The following AGTPBP1 variants were observed in gnomAD, a reference collection of about 807,000 sequenced individuals.
AGTPBP1 encodes the protein ATP/GTP binding carboxypeptidase 1.
AGTPBP1 carries 70 observed loss-of-function variants against 143.9 expected under a neutral mutation model. The observed-to-expected ratio is 0.49, with a 90% CI of 0.40 to 0.59. The LOEUF (loss-of-function observed/expected upper bound fraction) is 0.59. Among genes scored for constraint, AGTPBP1 ranks in the 20% least tolerant of loss-of-function variants. AGTPBP1 has a pLI of 0.00. For missense variants in AGTPBP1, 1,229 were observed against 1,464.5 expected, an observed-to-expected ratio of 0.84 and a Z score of 2.62; for synonymous variants, 463 against 500.2, an observed-to-expected ratio of 0.93 and a Z score of 0.99.
At chr9:85,772,726 C>A in the AGTPBP1 span, among the ~76,000 whole-genome samples, 13 of 151,870 alleles carry the variant, frequency 8.6e-5, no homozygotes, top group Non-Finnish European at 1.9e-4. Flanking sequence ...GCACTCCAAC[C>A]TGAGGTGACA....
At chr9:85,699,129 T>C (rs1468953277) in intron 2 of AGTPBP1, among the ~76,000 whole-genome samples, 1 of 151,908 alleles carries the variant, frequency 6.6e-6, no homozygotes, top group Non-Finnish European at 1.5e-5. Context: ...TTCAAATGCA[T>C]ATTTTTTTAA....
chr9:85,681,142 C>T lies in AGTPBP1; in HGVS notation c.225+126G>A, dbSNP rs1456867450. On this transcript the variant is annotated intron_variant, in intron 4 of 25. Transcript: ENST00000357081. ...TCTAAAACAAAAATTATTACATATACGTGTGTGTGTATATATGTACGTGTG... is the reference window on the plus strand; with the variant it reads ...TCTAAAACAAAAATTATTACATATATGTGTGTGTGTATATATGTACGTGTG... 11 of 804,908 alleles carry T rather than the reference C, an allele frequency of 1.4e-5. No individual in the cohort carries two copies. In the East Asian group the frequency reaches 1.4e-4, roughly 10 times the overall value. 49.9% of individuals were successfully genotyped at this position (804,908 alleles called of 1,614,324 possible).
chr9:85,666,063 C>T (rs2134018398), intron 8 of AGTPBP1, among the ~76,000 whole-genome samples: 1 of 152,116 alleles, frequency 6.6e-6, no homozygotes, highest in East Asian at 1.9e-4. Context: ...TTCCAGTCTT[C>T]ATATTTCCAC....
At chr9:85,798,052 C>T in the AGTPBP1 span, among the ~76,000 whole-genome samples, 7 of 149,256 alleles carry the variant, frequency 4.7e-5, no homozygotes, top group African/African-American at 7.6e-5. Context: ...GCCACCACAT[C>T]GGCTATTTTT....
rs542482211 is a variant in AGTPBP1, at chr9:85,571,312, T to G, written c.3503+4003A>C. ...CCCTGAGATAAAGAACATGCAGTGA[T>G]AGCCTGGGAAATCCTGTTCTGCCAA... On this transcript the variant is annotated intron_variant, in intron 25 of 25. Coordinates refer to ENST00000357081, the MANE Select transcript of AGTPBP1 (RefSeq NM_001330701.2). Among the ~76,000 whole-genome samples, 14 of 152,240 alleles carry G rather than the reference T, an allele frequency of 9.2e-5. No individual in the cohort carries two copies. In the East Asian group the frequency reaches 1.2e-3, roughly 13 times the overall value.
rs139492494 is a variant in AGTPBP1 at position 85,611,982 on chromosome 9, A to G, written c.2335+7001T>C. ...GGCATAAGCCACCATGCCCAGCCAA[A>G]TATGAAATAATAAGAAATCTCTCTC... On this transcript the variant is annotated intron_variant, in intron 17 of 25. Coordinates refer to ENST00000357081, the MANE Select transcript of AGTPBP1 (RefSeq NM_001330701.2). 2.1e-3 allele frequency among the ~76,000 whole-genome samples: 318 copies of G among 152,274 alleles called. 1 individual carries two copies. Among genetic ancestry groups the G allele is most frequent in the African/African-American group, 6.4e-3 (266 of 41,572 alleles).
Position 85,632,652 on chromosome 9 carries a change from T to C in AGTPBP1, c.2015+10A>G, listed in dbSNP as rs765273678. 1.0e-5 allele frequency: 16 copies of C among 1,560,928 alleles called. 1 individual carries two copies. The East Asian group carries it at 1.8e-4, about 18-fold the overall frequency. The stretch of plus-strand genomic sequence containing the variant: ...CCTTATTTAGAAGAGGGAAGAAATA[T>C]GCAACTCACCTTTGTACACCATAAG... On this transcript the variant is annotated intron_variant, in intron 14 of 25. Transcript: ENST00000357081.
intron 2 of AGTPBP1, among the ~76,000 whole-genome samples, chr9:85,700,620 T>A (rs1039632934): frequency 2.0e-5 from 3 of 152,116 alleles, no homozygotes; most frequent in Non-Finnish European, 2.9e-5. Flanking sequence ...AAGTGAGATG[T>A]AGGCAGATGA....
Position 85,589,614 on chromosome 9 carries a change from C to T in AGTPBP1, c.2636G>A (p.Cys879Tyr). The T allele has an allele frequency of 6.2e-7, 1 of 1,613,630 alleles. No individual in the cohort carries two copies. Among genetic ancestry groups the T allele is most frequent in the East Asian group, 2.2e-5 (1 of 44,872 alleles). Residue 879 changes from cysteine (C) to tyrosine (Y), a missense_variant, in exon 20 of 26, where the codon TGT becomes TAT. This residue lies in a region of AGTPBP1 where 486 missense variants were observed against 652.3 expected (regional missense o/e 0.75). Transcript: ENST00000357081. ...GCAGCTGTTTCCAGACAGGGTTTCA[C>T]ATAACACATCTTTCCGAAAATAGAT... ...QQIYFRKDVL[C>Y]ETLSGNSCPL...
chr9:85,598,639 G>A (rs1248517024), intron 17 of AGTPBP1, among the ~76,000 whole-genome samples: 1 of 152,194 alleles, frequency 6.6e-6, no homozygotes, highest in East Asian at 1.9e-4. Flanking sequence ...TTCAAGGATT[G>A]CAACTTGTAA....
chr9:85,630,877 G>C (rs987356505), intron 14 of AGTPBP1, among the ~76,000 whole-genome samples: 7 of 152,184 alleles, frequency 4.6e-5, no homozygotes, highest in African/African-American at 1.7e-4. Flanking sequence ...TTCCTGAGCA[G>C]TGTGAGCCCC....
At chr9:85,566,539 A>AAAAAG (rs1404938514) in intron 25 of AGTPBP1, among the ~76,000 whole-genome samples, 2 of 151,530 alleles carry the variant, frequency 1.3e-5, no homozygotes, top group East Asian at 1.9e-4. Flanking sequence ...CAAAAAAAAA[A>AAAAAG]AAAAAAAAAA....
chr9:85,600,442 T>C (rs988213048), intron 17 of AGTPBP1, among the ~76,000 whole-genome samples: 3 of 152,056 alleles, frequency 2.0e-5, no homozygotes, highest in African/African-American at 7.2e-5. Flanking sequence ...AAACAGTGAG[T>C]AGATAACCAC....
At chr9:85,621,670 G>C (rs1340851422) in intron 14 of AGTPBP1, among the ~76,000 whole-genome samples, 1 of 152,094 alleles carries the variant, frequency 6.6e-6, no homozygotes, top group Non-Finnish European at 1.5e-5. Flanking sequence ...AAAAGCCAGA[G>C]ATTATATAAG....
At chr9:85,632,147 T>C (rs1221477154) in intron 14 of AGTPBP1, among the ~76,000 whole-genome samples, 1 of 152,080 alleles carries the variant, frequency 6.6e-6, no homozygotes, top group Non-Finnish European at 1.5e-5. Context: ...AGACATACAA[T>C]GCGTAATAAT....
intron 4 of AGTPBP1, among the ~76,000 whole-genome samples, chr9:85,678,789 G>A (rs1337493553): frequency 6.6e-6 from 1 of 152,184 alleles, no homozygotes; most frequent in Non-Finnish European, 1.5e-5. Flanking sequence ...TTCTGCCAAA[G>A]ATAATATGCA....
Position 85,589,606 on chromosome 9 carries a change from G to C in AGTPBP1, c.2644C>G (p.Leu882Val). ...ACCAAGGGGCAGCTGTTTCCAGACA[G>C]GGTTTCACATAACACATCTTTCCGA... ...YFRKDVLCET[L>V]SGNSCPLVTI... The change falls in exon 20 of 26, where the codon CTG becomes GTG. Residue 882 changes from leucine (L) to valine (V), a missense_variant. By Grantham distance (32) the Leu-to-Val change is conservative. Around this residue, in one of 2 missense-constraint regions of AGTPBP1, gnomAD observed 486 missense variants for 652.3 expected, o/e 0.75. Coordinates refer to ENST00000357081, the MANE Select transcript of AGTPBP1 (RefSeq NM_001330701.2). The C allele has an allele frequency of 6.2e-7, 1 of 1,613,660 alleles. No homozygotes were observed. The highest frequency in any genetic ancestry group is 2.2e-5 in the East Asian group (1 of 44,868).
intron 1 of AGTPBP1, among the ~76,000 whole-genome samples, chr9:85,716,584 T>C (rs948844555): frequency 3.3e-5 from 5 of 152,182 alleles, no homozygotes; most frequent in African/African-American, 1.2e-4. Flanking sequence ...CCACATCCAA[T>C]ACATCAGAAA....
At chr9:85,646,486 G>T in intron 11 of AGTPBP1, 68 bp from the exon 12 acceptor site, 2 of 1,039,378 alleles carry the variant, frequency 1.9e-6, no homozygotes, top group Non-Finnish European at 3.0e-6. Context: ...GCCAATGGTA[G>T]AATGTGACTT....
Sources: allele counts gnomAD v4.1 joint callset (sites outside exome capture counted in the v4.1 genomes callset), GRCh38; gene constraint gnomAD v4.1.1; regional missense constraint gnomAD v4.1.1; transcripts MANE v1.5; gene names NCBI Gene and HGNC (gene_info 2026-07-23, HGNC 2026-07-21).